PCDHA9: variants seen among roughly 807,000 people sequenced by gnomAD.
The protein encoded by PCDHA9 is protocadherin alpha 9.
A neutral mutation model predicts 62.0 loss-of-function variants in PCDHA9; 62 were observed. That is an observed-to-expected ratio of 1.00 (90% confidence interval 0.81 to 1.23). The LOEUF is 1.23. Among genes scored for constraint, PCDHA9 ranks in the 50% most tolerant of loss-of-function variants. PCDHA9 has a pLI of 0.00. For synonymous variants in PCDHA9, 557 were observed against 567.6 expected (o/e 0.98, Z 0.27); for missense variants, 1,205 against 1,249.8 (o/e 0.96, Z 0.54).
At chr5:140,860,559 A>G (rs2046453959) in intron 1 of PCDHA9, 1 of 152,222 alleles carries the variant, frequency 6.6e-6, no homozygotes, top group African/African-American at 2.4e-5. Flanking sequence ...TTGAAGAGGT[A>G]CTGATCATAC....
chr5:140,987,213 C>CA (rs58319157), intron 3 of PCDHA9, among the ~76,000 whole-genome samples: 3,048 of 118,770 alleles, frequency 0.026, 41 homozygotes, highest in Middle Eastern at 0.12. Flanking sequence ...GACTCCATCT[C>CA]AAAAAAAAAA....
At chr5:140,968,401 C>T (rs1554230667) in intron 1 of PCDHA9, 1 of 1,613,984 alleles carries the variant, frequency 6.2e-7, no homozygotes, top group South Asian at 1.1e-5. Context: ...TTCGGGAGTT[C>T]TTTGTGACTG....
At chr5:140,855,460 A>T (rs2150336256) in intron 1 of PCDHA9, among the ~76,000 whole-genome samples, 1 of 150,080 alleles carries the variant, frequency 6.7e-6, no homozygotes, top group African/African-American at 2.4e-5. Context: ...TAAACACCTC[A>T]CAGATAGTTG....
At chr5:140,953,413 C>T (rs965115726) in intron 1 of PCDHA9, among the ~76,000 whole-genome samples, 1 of 152,120 alleles carries the variant, frequency 6.6e-6, no homozygotes, top group Non-Finnish European at 1.5e-5. Context: ...GCTCCTGGCT[C>T]CTCCCCTTTG....
At chr5:140,912,010 G>A (rs1208180595) in intron 1 of PCDHA9, among the ~76,000 whole-genome samples, 1 of 152,202 alleles carries the variant, frequency 6.6e-6, no homozygotes. Flanking sequence ...CCATCTGCAA[G>A]CTGAGGAGCA....
intron 1 of PCDHA9, among the ~76,000 whole-genome samples, chr5:140,896,083 T>G (rs1202809868): frequency 6.6e-6 from 1 of 152,184 alleles, no homozygotes; most frequent in African/African-American, 2.4e-5. Context: ...CATGCTGGGA[T>G]TACAGGCGTG....
chr5:140,964,168 G>A (rs928554352), intron 1 of PCDHA9, among the ~76,000 whole-genome samples: 1 of 152,166 alleles, frequency 6.6e-6, no homozygotes, highest in Non-Finnish European at 1.5e-5. Flanking sequence ...TGTGAGGAAC[G>A]AAATCATTAT....
Position 140,871,457 on chromosome 5 carries a change from G to A in PCDHA9, c.2394+20568G>A, listed in dbSNP as rs1562665046. 8.1e-6 allele frequency: 13 copies of A among 1,605,570 alleles called. No individual in the cohort carries two copies. The highest frequency in any genetic ancestry group is 1.1e-5 in the Non-Finnish European group (13 of 1,175,480). The stretch of plus-strand genomic sequence containing the variant: ...CTAGGTCTGAATAAAGAGGAGGAAG[G>A]GGAAAGACAGGAGCCAGGGTCAAAT... On this transcript the variant is annotated intron_variant, in intron 1 of 3. Transcript: ENST00000532602.
intron 1 of PCDHA9, among the ~76,000 whole-genome samples, chr5:140,962,725 T>C (rs536695569): frequency 3.2e-4 from 48 of 152,210 alleles, no homozygotes; most frequent in Non-Finnish European, 5.9e-4. Flanking sequence ...AGTATTTTCC[T>C]TCTGGGGATG....
At chr5:140,868,864 A>C (rs1554162257) in intron 1 of PCDHA9, 10 of 549,766 alleles carry the variant, frequency 1.8e-5, no homozygotes, top group Non-Finnish European at 1.8e-5. Context: ...TGGTAAATGC[A>C]GTGCACAGTA....
intron 1 of PCDHA9, among the ~76,000 whole-genome samples, chr5:140,971,892 G>C (rs2096504766): frequency 6.6e-6 from 1 of 151,694 alleles, no homozygotes; most frequent in African/African-American, 2.4e-5. Context: ...AGCTCAGGGA[G>C]GTTAGGTAAT....
chr5:140,908,547 A>G (rs2074022083), intron 1 of PCDHA9, among the ~76,000 whole-genome samples: 1 of 152,152 alleles, frequency 6.6e-6, no homozygotes, highest in Non-Finnish European at 1.5e-5. Context: ...AAAGCCCAGT[A>G]ATAGGCCAAG....
At position 140,917,079 on chromosome 5, in the gene PCDHA9, A is replaced by G. The variant is rs115825402; in HGVS notation, c.2395-61870A>G. Among the ~76,000 whole-genome samples the G allele has an allele frequency of 8.0e-3, 1,217 of 152,106 alleles. 6 individuals carry two copies. The highest frequency in any genetic ancestry group is 0.019 in the African/African-American group (785 of 41,476). On this transcript the variant is annotated intron_variant, in intron 1 of 3. Coordinates refer to ENST00000532602, the MANE Select transcript of PCDHA9 (RefSeq NM_031857.2). ...GCTACGACAGCACCGAGTTTAATGT[A>G]AAGTTCCCCAGTTGCTGTGCTTTAC... is the stretch of plus-strand genomic sequence containing the variant.
At position 140,884,762 on chromosome 5, in the gene PCDHA9, A is replaced by T. The variant is rs491169; in HGVS notation, c.2394+33873A>T. 4,163 of 1,423,128 alleles carry T rather than the reference A, an allele frequency of 2.9e-3. 95 individuals carry two copies. The African/African-American group carries it at 0.053, about 18-fold the overall frequency. 88.2% of individuals were successfully genotyped at this position (1,423,128 alleles called of 1,614,324 possible). A position where few individuals can be genotyped will look rare whatever the true frequency, so the allele number is the denominator to read the frequency against. On this transcript the variant is annotated intron_variant, in intron 1 of 3. Coordinates refer to ENST00000532602, the MANE Select transcript of PCDHA9 (RefSeq NM_031857.2). ...TCCTGCCAATTTCAAATTATTCTTT[A>T]CTTTAATTTTAATTTTGCTAGTTGT...
rs1430137096 is a variant in PCDHA9, at chr5:140,871,495, G to A, written c.2394+20606G>A. On this transcript the variant is annotated intron_variant, in intron 1 of 3. Transcript: ENST00000532602. ...GCCAGGGTCAAATCACCCCGGACAG[G>A]TGAGTTTTCTACAGATTCCACCTAT... 5 of 1,588,092 alleles carry A rather than the reference G, an allele frequency of 3.1e-6. No homozygotes were observed. The African/African-American group carries it at 6.7e-5, about 21-fold the overall frequency.
intron 1 of PCDHA9, chr5:140,877,449 G>A: frequency 1.2e-6 from 2 of 1,613,848 alleles, no homozygotes; most frequent in Non-Finnish European, 1.7e-6. Flanking sequence ...AGCCCGCGCT[G>A]ACGTCCACGG....
chr5:140,871,490 G>A (rs1554165680), intron 1 of PCDHA9: 1 of 1,590,548 alleles, frequency 6.3e-7, no homozygotes, highest in Admixed American at 1.8e-5. Context: ...AATCACCCCG[G>A]ACAGGTGAGT....
chr5:140,850,178 T>G lies in PCDHA9; in HGVS notation c.1683T>G (p.Asn561Lys). ...LQVFVLDEND[N>K]APALLTPRMR... ...TGTTCGTGCTGGACGAGAACGACAA[T>G]GCGCCGGCGCTGCTGACACCTCGGA... Residue 561 changes from asparagine to lysine, a missense_variant, in exon 1 of 4, where the codon AAT (asparagine) becomes AAG (lysine). Coordinates refer to ENST00000532602, the MANE Select transcript of PCDHA9 (RefSeq NM_031857.2). 1 of 1,593,294 alleles carries G rather than the reference T, an allele frequency of 6.3e-7. No individual in the cohort carries two copies. Among genetic ancestry groups the G allele is most frequent in the Non-Finnish European group, 8.6e-7 (1 of 1,167,622 alleles).
At chr5:140,854,247 T>C (rs782783926) in intron 1 of PCDHA9, 12 of 635,110 alleles carry the variant, frequency 1.9e-5, no homozygotes, top group Non-Finnish European at 2.4e-5. Context: ...TGTTATCACT[T>C]GGTATAAAAT....
Sources: allele counts gnomAD v4.1 joint callset (sites outside exome capture counted in the v4.1 genomes callset), GRCh38; gene constraint gnomAD v4.1.1; transcripts MANE v1.5; gene names NCBI Gene and HGNC (gene_info 2026-07-23, HGNC 2026-07-21).